ANKS6: variants seen among roughly 807,000 people sequenced by gnomAD.
ANKS6 encodes the protein ankyrin repeat and sterile alpha motif domain containing 6, also known as ankyrin repeat and SAM domain-containing protein 6.
A neutral mutation model predicts 77.9 loss-of-function variants in ANKS6; 47 were observed. The ratio of observed to expected loss-of-function variants is 0.60; its 90% CI spans 0.48 to 0.77. The LOEUF is 0.77. Among genes scored for constraint, ANKS6 ranks in the 30% least tolerant of loss-of-function variants. The probability of loss-of-function intolerance (pLI) is 0.00; values close to 1 mark genes in which losing one functional copy is unlikely to be tolerated. For synonymous variants in ANKS6, 488 were observed against 501.7 expected (o/e 0.97, Z 0.37); for missense variants, 1,150 against 1,159.1 (o/e 0.99, Z 0.11).
intron 14 of ANKS6, among the ~76,000 whole-genome samples, chr9:98,740,252 G>A (rs917375264): frequency 2.6e-5 from 4 of 152,120 alleles, no homozygotes; most frequent in South Asian, 2.1e-4. Context: ...TCCTAGACTC[G>A]AGAGGACAGT....
At chr9:98,778,719 A>G (rs1465089908) in intron 6 of ANKS6, among the ~76,000 whole-genome samples, 2 of 152,220 alleles carry the variant, frequency 1.3e-5, no homozygotes, top group African/African-American at 4.8e-5. Flanking sequence ...AGATTGAGAA[A>G]TGGAGACCCA....
chr9:98,754,367 C>T (rs145936419), intron 12 of ANKS6, among the ~76,000 whole-genome samples: 11 of 152,170 alleles, frequency 7.2e-5, no homozygotes, highest in African/African-American at 2.2e-4. Context: ...GGGGGCCGGG[C>T]GTGGTGGCTC....
chr9:98,734,889 T>C lies in ANKS6; in HGVS notation c.*1630A>G. ...ACTTTGTCTTCAGTCCTGTGGAAAGTTGGCTTCTGTGAGTGTAAGGCTGAG... is the reference window on the plus strand; with the variant it reads ...ACTTTGTCTTCAGTCCTGTGGAAAGCTGGCTTCTGTGAGTGTAAGGCTGAG... On this transcript the variant is annotated 3_prime_UTR_variant, in exon 15 of 15. Coordinates refer to ENST00000353234, the MANE Select transcript of ANKS6 (RefSeq NM_173551.5). 3 of 985,424 alleles carry C rather than the reference T, an allele frequency of 3.0e-6. No individual in the cohort carries two copies. Among genetic ancestry groups the C allele is most frequent in the Non-Finnish European group, 3.6e-6 (3 of 829,936 alleles). The allele number at this position is 985,424 out of a possible 1,614,324, so 61.0% of individuals were successfully genotyped here. A position where few individuals can be genotyped will look rare whatever the true frequency, so the allele number is the denominator to read the frequency against.
intron 11 of ANKS6, among the ~76,000 whole-genome samples, chr9:98,762,025 T>A (rs1833041258): frequency 6.6e-6 from 1 of 152,188 alleles, no homozygotes; most frequent in African/African-American, 2.4e-5. Flanking sequence ...AAGCCTTCCA[T>A]CTCTTCATTT....
chr9:98,779,538 A>C (rs1440399434), intron 6 of ANKS6, among the ~76,000 whole-genome samples: 1 of 152,192 alleles, frequency 6.6e-6, no homozygotes, highest in Non-Finnish European at 1.5e-5. Flanking sequence ...CTTTAAAAAA[A>C]AAAGAGAGAG....
intron 12 of ANKS6, among the ~76,000 whole-genome samples, chr9:98,755,091 T>C (rs962397021): frequency 4.6e-5 from 7 of 152,146 alleles, no homozygotes; most frequent in African/African-American, 1.7e-4. Context: ...ATGATCACAC[T>C]GGATATCACA....
intron 9 of ANKS6, 138 bp from the exon 10 acceptor site, chr9:98,771,184 G>C: frequency 9.6e-7 from 1 of 1,040,716 alleles, no homozygotes; most frequent in Admixed American, 4.2e-5. Context: ...GCCCTGCCAG[G>C]GCCCAGCTGG....
intron 8 of ANKS6, among the ~76,000 whole-genome samples, chr9:98,775,279 CCTGAGCAAAT>C (rs757678531): frequency 7.2e-5 from 11 of 152,182 alleles, no homozygotes; most frequent in Non-Finnish European, 1.5e-4. Flanking sequence ...AGGTATTCAT[CCTGAGCAAAT>C]AATCAGGCAA....
intron 8 of ANKS6, among the ~76,000 whole-genome samples, chr9:98,775,855 G>A (rs1475602522): frequency 1.3e-5 from 2 of 152,042 alleles, no homozygotes; most frequent in Admixed American, 6.6e-5. Context: ...ATGATCAAAC[G>A]TCAGGCAGCA....
intron 2 of ANKS6, among the ~76,000 whole-genome samples, chr9:98,786,103 C>T (rs1052398226): frequency 7.9e-5 from 12 of 151,116 alleles, no homozygotes; most frequent in Admixed American, 2.0e-4. Context: ...CTCAGCCTCC[C>T]GAGTAGCTGG....
intron 2 of ANKS6, among the ~76,000 whole-genome samples, chr9:98,785,980 C>A (rs1240134309): frequency 6.6e-6 from 1 of 152,060 alleles, no homozygotes; most frequent in African/African-American, 2.4e-5. Flanking sequence ...CAAGGTAAAC[C>A]CCAGAATTCT....
chr9:98,768,391 CACAGGAGAATTCT>C, intron 10 of ANKS6, 141 bp from the exon 11 acceptor site: 1 of 1,003,710 alleles, frequency 1.0e-6, no homozygotes, highest in Non-Finnish European at 1.5e-6. Flanking sequence ...CAGGACTGAC[CACAGGAGAATTCT>C]GCAGGAGAAC....
intron 14 of ANKS6, among the ~76,000 whole-genome samples, chr9:98,741,630 G>A (rs1378088718): frequency 6.6e-6 from 1 of 152,150 alleles, no homozygotes; most frequent in Non-Finnish European, 1.5e-5. Context: ...CAATGACTTA[G>A]GACCAACTAA....
rs879342599 is a variant in ANKS6 at position 98,780,134 on chromosome 9, C to T, written c.1368+55G>A. The T allele has an allele frequency of 3.4e-5, 54 of 1,602,812 alleles. 1 individual carries two copies. The highest frequency in any genetic ancestry group is 4.5e-4 in the Middle Eastern group (2 of 4,460). ...GGTGCATAGGAGGCAGCAGGCTCCC[C>T]GCCAGCCCCCATCTCCCTAGCCCCC... On this transcript the variant is annotated intron_variant, in intron 6 of 14. Coordinates refer to ENST00000353234, the MANE Select transcript of ANKS6 (RefSeq NM_173551.5).
chr9:98,790,468 G>A lies in ANKS6; in HGVS notation c.498C>T (p.Ala166=), dbSNP rs374209515. 6.1e-5 allele frequency: 98 copies of A among 1,613,548 alleles called. No individual in the cohort carries two copies. The African/African-American group carries it at 8.3e-4, about 14-fold the overall frequency. The part of the protein sequence containing the change: ...HLGVVKLLLE[A]GAFVDHHHPS... ...GGTGGTGATGGTCCACAAAGGCACC[G>A]GCTTCCAGGAGCAGCTTCACCACAC... is the stretch of plus-strand genomic sequence containing the variant. The change falls in exon 2 of 15, where the codon GCC becomes GCT. Residue 166 remains alanine, a synonymous_variant. Transcript: ENST00000353234.
At chr9:98,781,757 G>C (rs1834273932) in intron 5 of ANKS6, among the ~76,000 whole-genome samples, 1 of 152,218 alleles carries the variant, frequency 6.6e-6, no homozygotes, top group Admixed American at 6.5e-5. Context: ...CTGCAGAGGT[G>C]AAAGTCTTCT....
chr9:98,754,618 G>A (rs1832601082), intron 12 of ANKS6, among the ~76,000 whole-genome samples: 1 of 151,844 alleles, frequency 6.6e-6, no homozygotes, highest in Non-Finnish European at 1.5e-5. Flanking sequence ...CTCCAGCATG[G>A]GTGACAGAGC....
intron 4 of ANKS6, among the ~76,000 whole-genome samples, 158 bp from the exon 5 acceptor site, chr9:98,782,731 G>C (rs1834344852): frequency 6.6e-6 from 1 of 152,078 alleles, no homozygotes; most frequent in African/African-American, 2.4e-5. Context: ...CTAGCACGTG[G>C]GCAGGTCAAG....
chr9:98,781,148 C>A (rs1384187825), intron 5 of ANKS6, among the ~76,000 whole-genome samples: 1 of 152,178 alleles, frequency 6.6e-6, no homozygotes. Context: ...GATCGACCCA[C>A]CTCAGCCTCC....
Sources: gnomAD v4.1 joint callset for allele counts (sites outside exome capture counted in the v4.1 genomes callset) on GRCh38, gnomAD v4.1.1 for gene constraint, MANE v1.5 for transcripts, NCBI Gene and HGNC (gene_info 2026-07-23, HGNC 2026-07-21) for gene names.